The following KCNH7 variants were observed in gnomAD, a reference collection of about 807,000 sequenced individuals.
KCNH7 encodes voltage-gated inwardly rectifying potassium channel KCNH7.
A neutral mutation model predicts 120.8 loss-of-function variants in KCNH7; 49 were observed. The observed-to-expected ratio is 0.41, with a 90% CI of 0.32 to 0.51. The LOEUF is 0.51. KCNH7 is among the 20% of genes least tolerant of loss of function. KCNH7 has a pLI of 0.38. For missense variants in KCNH7, 1,097 were observed against 1,446.6 expected (o/e 0.76, Z 3.92); for synonymous variants, 547 against 516.1 (o/e 1.06, Z -0.81).
At chr2:162,693,048 C>T (rs1686170314) in intron 2 of KCNH7, among the ~76,000 whole-genome samples, 1 of 152,146 alleles carries the variant, frequency 6.6e-6, no homozygotes, top group South Asian at 2.1e-4. Context: ...TTTATCCACA[C>T]AGATAATAAT....
At chr2:162,799,962 AC>A (rs201349234) in intron 2 of KCNH7, among the ~76,000 whole-genome samples, 3,870 of 151,516 alleles carry the variant, frequency 0.026, 79 homozygotes, top group Non-Finnish European at 0.033. Context: ...ACACACACAC[AC>A]ACACACACAC....
intron 2 of KCNH7, among the ~76,000 whole-genome samples, chr2:162,758,052 G>C (rs550498494): frequency 6.6e-6 from 1 of 152,102 alleles, no homozygotes; most frequent in Non-Finnish European, 1.5e-5. Context: ...ACTGGTTACC[G>C]GGAGAAAAGT....
intron 6 of KCNH7, among the ~76,000 whole-genome samples, chr2:162,466,651 C>T (rs1444589478): frequency 6.6e-6 from 1 of 152,158 alleles, no homozygotes; most frequent in Non-Finnish European, 1.5e-5. Context: ...TTGAGTAAAC[C>T]AAGTGCCATC....
chr2:162,731,295 A>G (rs2105392183), intron 2 of KCNH7, among the ~76,000 whole-genome samples: 1 of 149,560 alleles, frequency 6.7e-6, no homozygotes, highest in South Asian at 2.1e-4. Context: ...AATTTATAGC[A>G]CAGCAATTCC....
chr2:162,767,516 T>A (rs1486537161), intron 2 of KCNH7, among the ~76,000 whole-genome samples: 1 of 152,144 alleles, frequency 6.6e-6, no homozygotes, highest in Non-Finnish European at 1.5e-5. Flanking sequence ...AGTTTCATTG[T>A]TTATATTTAA....
chr2:162,404,777 T>C (rs988938909), intron 9 of KCNH7, among the ~76,000 whole-genome samples: 12 of 151,980 alleles, frequency 7.9e-5, no homozygotes, highest in Admixed American at 2.6e-4. Context: ...TACTTCTTTA[T>C]AGCAATGCAA....
intron 14 of KCNH7, among the ~76,000 whole-genome samples, chr2:162,379,631 A>C (rs1046266467): frequency 1.3e-5 from 2 of 152,180 alleles, no homozygotes; most frequent in Admixed American, 1.3e-4. Context: ...CTGGATGACA[A>C]AGAAAAAAAT....
rs183658001 is a variant in KCNH7, at chr2:162,617,126, G to C, written c.308-80046C>G. Among the ~76,000 whole-genome samples the C allele has an allele frequency of 9.8e-5, 15 of 152,288 alleles. No homozygotes were observed. The East Asian group carries it at 2.9e-3, about 29-fold the overall frequency. On this transcript the variant is annotated intron_variant, in intron 2 of 15. Coordinates refer to ENST00000332142, the MANE Select transcript of KCNH7 (RefSeq NM_033272.4). ...TAACAACGTGATTAGAGTAGCCAAA[G>C]TTATGAAGAAGCACAGCTGAGATGA...
intron 2 of KCNH7, among the ~76,000 whole-genome samples, chr2:162,628,935 A>G (rs560268855): frequency 6.6e-6 from 1 of 152,140 alleles, no homozygotes; most frequent in Non-Finnish European, 1.5e-5. Flanking sequence ...CAGAACACAT[A>G]GGATTATCAT....
intron 12 of KCNH7, among the ~76,000 whole-genome samples, chr2:162,392,842 C>G (rs1422954360): frequency 4.0e-5 from 6 of 151,694 alleles, no homozygotes; most frequent in African/African-American, 1.5e-4. Flanking sequence ...CACAGGATGT[C>G]CTTAGAGGGC....
intron 2 of KCNH7, among the ~76,000 whole-genome samples, chr2:162,683,246 C>A (rs946982725): frequency 4.0e-5 from 6 of 151,782 alleles, no homozygotes; most frequent in Admixed American, 6.6e-5. Flanking sequence ...TCAGAATATC[C>A]AGTTTCTTAA....
intron 1 of KCNH7, among the ~76,000 whole-genome samples, chr2:162,837,886 A>T (rs751540527): frequency 3.9e-5 from 6 of 152,220 alleles, no homozygotes; most frequent in Non-Finnish European, 7.3e-5. Flanking sequence ...CAGATGAGAT[A>T]CTGCTTTTCC....
chr2:162,545,374 C>A (rs1047906365), intron 2 of KCNH7, among the ~76,000 whole-genome samples: 4 of 152,160 alleles, frequency 2.6e-5, no homozygotes, highest in African/African-American at 9.7e-5. Flanking sequence ...CACTGGGAAA[C>A]ACTGAGTTGT....
At chr2:162,550,914 A>ATAATAC (rs1298671542) in intron 2 of KCNH7, among the ~76,000 whole-genome samples, 2 of 150,832 alleles carry the variant, frequency 1.3e-5, no homozygotes, top group African/African-American at 2.4e-5. Flanking sequence ...AATAATAATA[A>ATAATAC]TAAGGCACTA....
intron 2 of KCNH7, among the ~76,000 whole-genome samples, chr2:162,751,304 G>T (rs1478378928): frequency 6.6e-6 from 1 of 152,126 alleles, no homozygotes; most frequent in Non-Finnish European, 1.5e-5. Context: ...TCTACTAGGA[G>T]AATGTTGTAT....
intron 9 of KCNH7, among the ~76,000 whole-genome samples, chr2:162,419,578 T>C (rs1368226247): frequency 6.6e-6 from 1 of 152,162 alleles, no homozygotes; most frequent in Non-Finnish European, 1.5e-5. Context: ...GCATTTTTTA[T>C]ATTATTTGGG....
intron 7 of KCNH7, among the ~76,000 whole-genome samples, chr2:162,435,843 C>T (rs1467715813): frequency 6.6e-6 from 1 of 152,014 alleles, no homozygotes; most frequent in East Asian, 1.9e-4. Flanking sequence ...CAGAATCTGT[C>T]TTGTTTTATG....
At chr2:162,826,395 A>T (rs1461344988) in intron 2 of KCNH7, among the ~76,000 whole-genome samples, 1 of 152,110 alleles carries the variant, frequency 6.6e-6, no homozygotes, top group Non-Finnish European at 1.5e-5. Context: ...CTGTGTTGGC[A>T]TCAGGGATCT....
chr2:162,391,594 C>T (rs1686747555), intron 12 of KCNH7, among the ~76,000 whole-genome samples: 1 of 152,008 alleles, frequency 6.6e-6, no homozygotes, highest in Non-Finnish European at 1.5e-5. Context: ...TCTCATATAC[C>T]AAGCCTGTGA....
Sources: gnomAD v4.1 joint callset for allele counts (sites outside exome capture counted in the v4.1 genomes callset) on GRCh38, gnomAD v4.1.1 for gene constraint, MANE v1.5 for transcripts, NCBI Gene and HGNC (gene_info 2026-07-23, HGNC 2026-07-21) for gene names.